ETFA: variants seen among roughly 807,000 people sequenced by gnomAD.
ETFA encodes the protein electron transfer flavoprotein subunit alpha, also known as electron transfer flavoprotein subunit alpha, mitochondrial.
A neutral mutation model predicts 46.2 loss-of-function variants in ETFA; 22 were observed. That is an observed-to-expected ratio of 0.48 (90% confidence interval 0.34 to 0.68). The LOEUF (loss-of-function observed/expected upper bound fraction) is 0.68, where lower values mean the gene tolerates loss of function less well. Among genes scored for constraint, ETFA ranks in the 30% least tolerant of loss-of-function variants. The pLI, the probability that ETFA is intolerant of heterozygous loss-of-function variation, is 0.01. For synonymous variants in ETFA, 131 were observed against 139.9 expected, an observed-to-expected ratio of 0.94 and a Z score of 0.45; for missense variants, 345 against 401.1, an observed-to-expected ratio of 0.86 and a Z score of 1.19.
intron 11 of ETFA, among the ~76,000 whole-genome samples, chr15:76,222,838 A>T (rs1393850679): frequency 2.0e-5 from 3 of 146,812 alleles, no homozygotes; most frequent in African/African-American, 7.5e-5. Context: ...CCCAAACTGA[A>T]TTTTTTTTTT....
chr15:76,276,299 GAA>G (rs2039590766), intron 8 of ETFA, among the ~76,000 whole-genome samples: 2 of 151,974 alleles, frequency 1.3e-5, no homozygotes, highest in South Asian at 2.1e-4. Context: ...CATGGTTTCT[GAA>G]AAGAGATCAG....
chr15:76,260,474 G>T, intron 9 of ETFA: 1 of 1,559,022 alleles, frequency 6.4e-7, no homozygotes, highest in Non-Finnish European at 8.8e-7. Context: ...CATGAGAAGA[G>T]ACCACCAGTG....
intron 6 of ETFA, 42 bp from the exon 7 acceptor site, chr15:76,285,780 A>G (rs1164567318): frequency 7.8e-6 from 9 of 1,153,484 alleles, no homozygotes; most frequent in Non-Finnish European, 1.2e-5. Context: ...CTATGATTTC[A>G]AGTTCTATAA....
rs771862007 is a variant in ETFA, at chr15:76,216,333, G to C, written c.*226C>G. On this transcript the variant is annotated 3_prime_UTR_variant, in exon 12 of 12. Transcript: ENST00000557943. ...TGGAAAAGCTTTATTATAGATTTTA[G>C]TACAGAATTTAAAAAGTTCAAACAA... 1.9e-6 allele frequency: 1 copy of C among 513,284 alleles called. No homozygotes were observed. Among genetic ancestry groups the C allele is most frequent in the Non-Finnish European group, 3.4e-6 (1 of 291,532 alleles). 31.8% of individuals were successfully genotyped at this position (513,284 alleles called of 1,614,324 possible).
At chr15:76,243,881 T>C (rs1186974757) in intron 9 of ETFA, among the ~76,000 whole-genome samples, 1 of 151,914 alleles carries the variant, frequency 6.6e-6, no homozygotes, top group Non-Finnish European at 1.5e-5. Flanking sequence ...ATTATTATTA[T>C]TGTTATTATT....
intron 1 of ETFA, among the ~76,000 whole-genome samples, chr15:76,297,947 G>C (rs539958467): frequency 6.6e-6 from 1 of 152,260 alleles, no homozygotes; most frequent in African/African-American, 2.4e-5. Context: ...TAGCGGTTGT[G>C]TAGAACCTAG....
At chr15:76,280,526 TG>T (rs377535870) in intron 8 of ETFA, among the ~76,000 whole-genome samples, 86 of 152,294 alleles carry the variant, frequency 5.6e-4, no homozygotes, top group African/African-American at 1.9e-3. Context: ...GCCTGCTAAT[TG>T]ATCTCCCCAT....
rs752534473 is a variant in ETFA, at chr15:76,285,737, T to C, written c.564A>G (p.Ala188=). The C allele has an allele frequency of 5.2e-6, 8 of 1,546,320 alleles. No individual in the cohort carries two copies. Among genetic ancestry groups the C allele is most frequent in the Non-Finnish European group, 7.2e-6 (8 of 1,118,244 alleles). ...TSGGSASSEK[A]SSTSPVEISE... Reference sequence around the variant, plus strand: ...ATATTTCCACTGGTGAAGTACTTGATGCTGCATACATTAATACATAATAAA... The same window carrying C: ...ATATTTCCACTGGTGAAGTACTTGACGCTGCATACATTAATACATAATAAA... Residue 188 remains alanine, a splice_region_variant and synonymous_variant, in exon 7 of 12, where the codon GCA becomes GCG. Coordinates refer to ENST00000557943, the MANE Select transcript of ETFA (RefSeq NM_000126.4).
chr15:76,216,622 T>G, intron 11 of ETFA, 25 bp from the exon 12 acceptor site: 1 of 1,488,254 alleles, frequency 6.7e-7, no homozygotes, highest in South Asian at 1.1e-5. Flanking sequence ...AAAAAGTAAT[T>G]AAGCAACTAG....
intron 1 of ETFA, among the ~76,000 whole-genome samples, chr15:76,300,622 GT>G (rs1309345692): frequency 6.6e-6 from 1 of 152,012 alleles, no homozygotes; most frequent in Admixed American, 6.6e-5. Context: ...CTCAGTGATC[GT>G]TCCATGACAC....
intron 9 of ETFA, among the ~76,000 whole-genome samples, chr15:76,253,085 C>T (rs1416152417): frequency 6.6e-6 from 1 of 151,888 alleles, no homozygotes; most frequent in Non-Finnish European, 1.5e-5. Flanking sequence ...AGCTGTACTG[C>T]TTTTAATTTT....
At chr15:76,287,714 T>C in intron 5 of ETFA, 132 bp downstream of exon 5, 1 of 682,122 alleles carries the variant, frequency 1.5e-6, no homozygotes, top group Middle Eastern at 3.8e-4. Flanking sequence ...GACTAAAATT[T>C]TCCTCAGAAA....
chr15:76,305,422 T>G (rs1215304224), intron 1 of ETFA, among the ~76,000 whole-genome samples: 1 of 152,214 alleles, frequency 6.6e-6, no homozygotes, highest in East Asian at 1.9e-4. Flanking sequence ...GATAATGTAA[T>G]CAACTAAACA....
At chr15:76,289,477 T>C (rs1170172786) in intron 4 of ETFA, among the ~76,000 whole-genome samples, 1 of 152,220 alleles carries the variant, frequency 6.6e-6, no homozygotes, top group African/African-American at 2.4e-5. Flanking sequence ...TATCCCTTGT[T>C]TAACATATCT....
At chr15:76,225,572 A>G (rs1176362526) in intron 11 of ETFA, among the ~76,000 whole-genome samples, 1 of 152,108 alleles carries the variant, frequency 6.6e-6, no homozygotes, top group Admixed American at 6.5e-5. Flanking sequence ...TACAGGTGTG[A>G]GCCACCACGC....
intron 9 of ETFA, among the ~76,000 whole-genome samples, chr15:76,252,350 CA>C (rs1293801201): frequency 1.3e-5 from 2 of 152,176 alleles, no homozygotes; most frequent in Non-Finnish European, 2.9e-5. Flanking sequence ...CCACCTCACA[CA>C]GCCAGAATTT....
intron 9 of ETFA, among the ~76,000 whole-genome samples, chr15:76,232,170 T>C (rs1366020286): frequency 6.6e-6 from 1 of 152,152 alleles, no homozygotes; most frequent in Non-Finnish European, 1.5e-5. Context: ...CCTCAATAAT[T>C]ACAAAGGGAA....
At chr15:76,288,920 C>CTTTTTTTTTTTTTT (rs35295593) in intron 4 of ETFA, among the ~76,000 whole-genome samples, 26 of 110,086 alleles carry the variant, frequency 2.4e-4, no homozygotes, top group African/African-American at 8.0e-4. Flanking sequence ...TCTTCTTCTT[C>CTTTTTTTTTTTTTT]TTTTTTTTTT....
intron 9 of ETFA, among the ~76,000 whole-genome samples, chr15:76,268,525 GA>G (rs1328026847): frequency 1.3e-5 from 2 of 152,306 alleles, no homozygotes; most frequent in East Asian, 1.9e-4. Flanking sequence ...CTTTTGCTGG[GA>G]TTCAGAGCTA....
Sources: allele counts gnomAD v4.1 joint callset (sites outside exome capture counted in the v4.1 genomes callset), GRCh38; gene constraint gnomAD v4.1.1; transcripts MANE v1.5; gene names NCBI Gene and HGNC (gene_info 2026-07-23, HGNC 2026-07-21).